Variants in MAPK10 observed in about 807,000 individuals in gnomAD.
The protein encoded by MAPK10 is JNK3 alpha protein kinase.
A neutral mutation model predicts 59.3 loss-of-function variants in MAPK10; 25 were observed. The observed-to-expected ratio is 0.42, with a 90% confidence interval of 0.31 to 0.59. MAPK10 has a LOEUF of 0.59. Ranked by LOEUF, MAPK10 falls within the 20% of genes least tolerant of loss-of-function variation. The pLI is 0.15. For missense variants in MAPK10, 351 were observed against 568.9 expected, an observed-to-expected ratio of 0.62 and a Z score of 3.90; for synonymous variants, 190 against 200.5, an observed-to-expected ratio of 0.95 and a Z score of 0.44.
chr4:86,197,894 A>G (rs1326334328), intron 2 of MAPK10, among the ~76,000 whole-genome samples: 1 of 152,154 alleles, frequency 6.6e-6, no homozygotes. Flanking sequence ...TGTTGCATTG[A>G]TGTCATGATA....
rs544044061 is a variant in MAPK10, at chr4:86,010,898, G to T, written c.*6330C>A. 3.9e-5 allele frequency: 6 copies of T among 152,108 alleles called. No homozygotes were observed. In the East Asian group the frequency reaches 1.2e-3, roughly 29 times the overall value. 9.4% of individuals were successfully genotyped at this position (152,108 alleles called of 1,614,324 possible). A position where few individuals can be genotyped will look rare whatever the true frequency, so the allele number is the denominator to read the frequency against. ...TGATCTGGACTGTTGGTTAAACATC[G>T]CAGACAAGATCAGGTGAAGAACATT... On this transcript the variant is annotated 3_prime_UTR_variant, in exon 14 of 14. Coordinates refer to ENST00000641462, the MANE Select transcript of MAPK10 (RefSeq NM_138982.4).
chr4:86,370,483 A>G (rs764308542), intron 1 of MAPK10, among the ~76,000 whole-genome samples: 6 of 152,214 alleles, frequency 3.9e-5, no homozygotes, highest in East Asian at 1.9e-4. Flanking sequence ...ACTGAGTAGC[A>G]TATCAGTATA....
chr4:86,231,797 T>C (rs2091588484), intron 2 of MAPK10, among the ~76,000 whole-genome samples: 1 of 152,236 alleles, frequency 6.6e-6, no homozygotes. Context: ...AACTACATAA[T>C]GCACAGGGCC....
chr4:86,511,567 C>G (rs1053905673), intron 1 of MAPK10, among the ~76,000 whole-genome samples: 11 of 147,094 alleles, frequency 7.5e-5, no homozygotes, highest in Middle Eastern at 3.5e-3. Flanking sequence ...ATCTTGTCTT[C>G]AAAAAAGAAA....
intron 1 of MAPK10, among the ~76,000 whole-genome samples, chr4:86,451,756 A>G (rs1479648109): frequency 6.6e-6 from 1 of 152,202 alleles, no homozygotes; most frequent in Admixed American, 6.5e-5. Flanking sequence ...ACATTCCTAA[A>G]GTGGCAGTCA....
chr4:86,126,041 C>T (rs996714769), intron 4 of MAPK10: 2 of 151,966 alleles, frequency 1.3e-5, no homozygotes, highest in African/African-American at 4.8e-5. Context: ...ACTTCATTGC[C>T]CAGCCCATGG....
intron 1 of MAPK10, among the ~76,000 whole-genome samples, chr4:86,575,342 G>T (rs1191108762): frequency 6.6e-6 from 1 of 152,088 alleles, no homozygotes; most frequent in Non-Finnish European, 1.5e-5. Context: ...ATGGATATTT[G>T]ATATCATAAT....
intron 2 of MAPK10, among the ~76,000 whole-genome samples, chr4:86,323,401 C>T (rs920175060): frequency 2.0e-5 from 3 of 152,136 alleles, no homozygotes; most frequent in African/African-American, 7.2e-5. Context: ...TGGTGTTTGC[C>T]AATCTGTGCC....
intron 3 of MAPK10, among the ~76,000 whole-genome samples, chr4:86,179,732 G>T (rs958005127): frequency 1.3e-5 from 2 of 151,992 alleles, no homozygotes; most frequent in African/African-American, 4.8e-5. Context: ...AAGCTACCAA[G>T]AACATACATT....
At chr4:86,107,402 A>G in intron 4 of MAPK10, 50 bp from the exon 5 acceptor site, 5 of 1,583,764 alleles carry the variant, frequency 3.2e-6, no homozygotes, top group Non-Finnish European at 4.3e-6. Context: ...GATTCCTTAG[A>G]ACTCTTGCCT....
chr4:86,417,861 A>C (rs1746045345), intron 1 of MAPK10, among the ~76,000 whole-genome samples: 1 of 152,242 alleles, frequency 6.6e-6, no homozygotes. Context: ...CCATTCAAAA[A>C]GTAGACAGGA....
At chr4:86,569,882 A>G (rs1761332268) in intron 1 of MAPK10, among the ~76,000 whole-genome samples, 1 of 152,140 alleles carries the variant, frequency 6.6e-6, no homozygotes, top group Non-Finnish European at 1.5e-5. Context: ...TGGGTACATT[A>G]AAAGCCCAGA....
intron 11 of MAPK10, among the ~76,000 whole-genome samples, chr4:86,056,136 C>G (rs1309732026): frequency 6.7e-6 from 1 of 150,082 alleles, no homozygotes; most frequent in Non-Finnish European, 1.5e-5. Flanking sequence ...GAGATACAGT[C>G]TGTATAGAGA....
chr4:86,272,403 G>C (rs1250657513), intron 2 of MAPK10, among the ~76,000 whole-genome samples: 1 of 151,280 alleles, frequency 6.6e-6, no homozygotes, highest in East Asian at 1.9e-4. Context: ...CCTATCTCAA[G>C]GTAAAAAATA....
intron 2 of MAPK10, among the ~76,000 whole-genome samples, chr4:86,234,730 C>T (rs73834256): frequency 9.2e-5 from 14 of 151,838 alleles, no homozygotes; most frequent in African/African-American, 3.4e-4. Flanking sequence ...ATTTAAAGAC[C>T]CCAGAGTTAA....
At chr4:86,453,575 CCCACCCCACCCCCA>C (rs2149057036), upstream of MAPK10, 1 of 127,764 alleles carries the variant, frequency 7.8e-6, no homozygotes, top group African/African-American at 2.8e-5. Context: ...CCCCCACCCC[CCCACCCCACCCCCA>C]CCACAGCAGC....
chr4:86,247,649 T>TTGTG (rs10591715), intron 2 of MAPK10, among the ~76,000 whole-genome samples: 1 of 150,584 alleles, frequency 6.6e-6, no homozygotes, highest in Non-Finnish European at 1.5e-5. Context: ...GTGTGTGTAG[T>TTGTG]TGTGTGTGTG....
In MAPK10 at chr4:86,575,393, G is replaced by T. The variant is rs561384745; in HGVS notation, c.-263+18517C>A. Reference sequence around the variant, plus strand: ...GGATGGGAAAGAGATCCATCCTATTGGTTCTGTTTCTCTGGAGCTGACTAA... The same window carrying T: ...GGATGGGAAAGAGATCCATCCTATTTGTTCTGTTTCTCTGGAGCTGACTAA... On this transcript the variant is annotated intron_variant, in intron 1 of 4. Coordinates refer to the MAPK10 transcript ENST00000502302. 1.5e-3 allele frequency among the ~76,000 whole-genome samples: 224 copies of T among 152,156 alleles called. 1 individual carries two copies. The highest frequency in any genetic ancestry group is 2.5e-3 in the Non-Finnish European group (172 of 68,006).
At chr4:86,211,767 C>A (rs559773313) in intron 2 of MAPK10, among the ~76,000 whole-genome samples, 1 of 152,146 alleles carries the variant, frequency 6.6e-6, no homozygotes, top group Non-Finnish European at 1.5e-5. Flanking sequence ...TTTGGACACA[C>A]ACAATGTAAA....
Sources: allele counts gnomAD v4.1 joint callset (sites outside exome capture counted in the v4.1 genomes callset), GRCh38; gene constraint gnomAD v4.1.1; transcripts MANE v1.5; gene names NCBI Gene and HGNC (gene_info 2026-07-23, HGNC 2026-07-21).